CRADD: variants seen among roughly 807,000 people sequenced by gnomAD.
CRADD encodes the protein CARD and death domain containing adaptor protein.
In CRADD, 9 loss-of-function variants were observed where a neutral mutation model predicts 15.5. The ratio of observed to expected loss-of-function variants is 0.58; its 90% CI spans 0.35 to 1.01. The LOEUF (loss-of-function observed/expected upper bound fraction) is 1.01. Ranked by LOEUF, CRADD falls within the 50% of genes least tolerant of loss-of-function variation. CRADD has a pLI of 0.02. For synonymous variants in CRADD, 118 were observed against 107.6 expected (o/e 1.10, Z -0.60); for missense variants, 227 against 250.3 (o/e 0.91, Z 0.63).
At chr12:93,724,230 AC>A (rs1359519449) in intron 2 of CRADD, among the ~76,000 whole-genome samples, 2 of 151,938 alleles carry the variant, frequency 1.3e-5, no homozygotes, top group Non-Finnish European at 2.9e-5. Context: ...AAATACAAAA[AC>A]TAGCTGGGTG....
At chr12:93,729,470 G>C (rs1201032346) in intron 2 of CRADD, among the ~76,000 whole-genome samples, 1 of 152,020 alleles carries the variant, frequency 6.6e-6, no homozygotes, top group Admixed American at 6.6e-5. Context: ...GATACCAATA[G>C]CAGAAACTAA....
At chr12:93,712,762 G>T (rs1310967617) in intron 2 of CRADD, among the ~76,000 whole-genome samples, 3 of 152,190 alleles carry the variant, frequency 2.0e-5, no homozygotes, top group Non-Finnish European at 4.4e-5. Flanking sequence ...TAGACTAGGA[G>T]CTTTATGCTA....
chr12:93,686,914 ATT>A lies in CRADD; in HGVS notation c.298+7854_298+7855del, dbSNP rs200107901. On this transcript the variant is annotated intron_variant, in intron 2 of 2. Coordinates refer to ENST00000332896, the MANE Select transcript of CRADD (RefSeq NM_003805.5). ...GGCTTTTTAAAAATTGTACTAATGC[ATT>A]TTTTTTTTTTTCATTTTAAGAGGAG... Among the ~76,000 whole-genome samples the A allele has an allele frequency of 1.7e-4, 24 of 140,686 alleles. 1 individual carries two copies. The highest frequency in any genetic ancestry group is 1.3e-3 in the Admixed American group (18 of 14,024). The allele number at this position is 140,686 out of a possible 152,430, so 92.3% of individuals were successfully genotyped here.
At chr12:93,766,146 T>C (rs1957025340) in intron 2 of CRADD, among the ~76,000 whole-genome samples, 2 of 152,224 alleles carry the variant, frequency 1.3e-5, no homozygotes, top group African/African-American at 4.8e-5. Flanking sequence ...CTGCCTGTTC[T>C]ACTTGTCATC....
chr12:93,684,954 ATG>A (rs1226761924), intron 2 of CRADD, among the ~76,000 whole-genome samples: 4 of 152,178 alleles, frequency 2.6e-5, no homozygotes, highest in African/African-American at 9.7e-5. Context: ...AACATGTGAG[ATG>A]TGTGTGCAGC....
At chr12:93,846,117 C>T (rs1163422651) in intron 2 of CRADD, among the ~76,000 whole-genome samples, 1 of 152,186 alleles carries the variant, frequency 6.6e-6, no homozygotes, top group African/African-American at 2.4e-5. Context: ...GTCAGAATTT[C>T]CATCCTTTTT....
chr12:93,787,505 T>A (rs1225907761), intron 2 of CRADD, among the ~76,000 whole-genome samples: 4 of 152,000 alleles, frequency 2.6e-5, no homozygotes. Context: ...ACCTTGTACT[T>A]AACCTCTTAG....
chr12:93,762,456 G>C (rs1349105724), intron 2 of CRADD, among the ~76,000 whole-genome samples: 1 of 152,184 alleles, frequency 6.6e-6, no homozygotes, highest in Admixed American at 6.5e-5. Flanking sequence ...GACATTAAAA[G>C]AAAGGAGAGG....
intron 2 of CRADD, among the ~76,000 whole-genome samples, chr12:93,717,992 T>C (rs981910990): frequency 2.6e-5 from 4 of 152,246 alleles, no homozygotes; most frequent in African/African-American, 9.6e-5. Context: ...ACTTTGTTTA[T>C]GTGAGTTTAG....
At chr12:93,784,733 G>C (rs1957257162) in intron 2 of CRADD, among the ~76,000 whole-genome samples, 1 of 152,156 alleles carries the variant, frequency 6.6e-6, no homozygotes, top group Non-Finnish European at 1.5e-5. Context: ...GTGATTTACT[G>C]TCCAGGGGGA....
intron 1 of CRADD, 106 bp from the exon 2 acceptor site, chr12:93,678,663 G>A: frequency 8.4e-7 from 1 of 1,197,178 alleles, no homozygotes; most frequent in Non-Finnish European, 1.2e-6. Flanking sequence ...AGTCTGCTAT[G>A]GTTTAAAGAT....
intron 2 of CRADD, among the ~76,000 whole-genome samples, chr12:93,810,009 A>G (rs747929677): frequency 6.6e-5 from 10 of 152,318 alleles, no homozygotes; most frequent in African/African-American, 1.4e-4. Flanking sequence ...AGAATTTACC[A>G]TCAGCAAGGG....
At chr12:93,799,812 A>T (rs2136995390) in intron 2 of CRADD, among the ~76,000 whole-genome samples, 1 of 152,346 alleles carries the variant, frequency 6.6e-6, no homozygotes, top group East Asian at 1.9e-4. Context: ...AATTGCAGCT[A>T]TACAATTATT....
At chr12:93,817,814 C>T (rs1158988554) in intron 2 of CRADD, among the ~76,000 whole-genome samples, 1 of 152,192 alleles carries the variant, frequency 6.6e-6, no homozygotes, top group Non-Finnish European at 1.5e-5. Context: ...GGTCATTCTA[C>T]AGCCAGTCAG....
chr12:93,876,832 ATTTAT>A (rs1409405567), intron 2 of CRADD, among the ~76,000 whole-genome samples: 1 of 151,944 alleles, frequency 6.6e-6, no homozygotes, highest in Non-Finnish European at 1.5e-5. Context: ...CTGATGCCTT[ATTTAT>A]TTCATTTGGT....
chr12:93,682,458 A>C (rs1053416724), intron 2 of CRADD, among the ~76,000 whole-genome samples: 4 of 152,202 alleles, frequency 2.6e-5, no homozygotes, highest in African/African-American at 9.6e-5. Flanking sequence ...CTTCTTTTTT[A>C]GCCAAGACGT....
intron 2 of CRADD, among the ~76,000 whole-genome samples, chr12:93,882,985 G>A (rs1375808312): frequency 6.6e-6 from 1 of 152,176 alleles, no homozygotes; most frequent in African/African-American, 2.4e-5. Flanking sequence ...TTGCGTAATT[G>A]AGTAAAAACA....
intron 2 of CRADD, among the ~76,000 whole-genome samples, chr12:93,822,924 C>A (rs1957783830): frequency 6.6e-6 from 1 of 152,194 alleles, no homozygotes; most frequent in Non-Finnish European, 1.5e-5. Flanking sequence ...TTTATGATTT[C>A]ATGGATTGTC....
intron 2 of CRADD, among the ~76,000 whole-genome samples, chr12:93,838,213 G>C (rs894608854): frequency 1.3e-5 from 1 of 76,546 alleles, no homozygotes; most frequent in Non-Finnish European, 2.3e-5. Flanking sequence ...TTCCTTTTGA[G>C]GTTTTTTTTT....
Sources: allele counts gnomAD v4.1 joint callset (sites outside exome capture counted in the v4.1 genomes callset), GRCh38; gene constraint gnomAD v4.1.1; transcripts MANE v1.5; gene names NCBI Gene and HGNC (gene_info 2026-07-23, HGNC 2026-07-21).